AKR7A3: variants seen among roughly 807,000 people sequenced by gnomAD.
AKR7A3 encodes the protein AFB1 aldehyde reductase 2.
AKR7A3 carries 37 observed loss-of-function variants against 32.5 expected under a neutral mutation model. That is an observed-to-expected ratio of 1.14 (90% CI 0.88 to 1.50). The LOEUF is 1.50. Ranked by LOEUF, AKR7A3 falls within the 40% of genes most tolerant of loss-of-function variation. The pLI, the probability that AKR7A3 is intolerant of heterozygous loss-of-function variation, is 0.00. For synonymous variants in AKR7A3, 177 were observed against 188.4 expected (o/e 0.94, Z 0.50); for missense variants, 412 against 453.2 (o/e 0.91, Z 0.83).
intron 1 of AKR7A3, 26 bp from the exon 2 acceptor site, chr1:19,286,398 A>C: frequency 2.5e-6 from 4 of 1,609,680 alleles, no homozygotes; most frequent in Non-Finnish European, 3.4e-6. Flanking sequence ...AATGAAATTC[A>C]GGGCCAGGCG....
chr1:19,283,480 T>C (rs1036906219), intron 6 of AKR7A3, among the ~76,000 whole-genome samples: 17 of 151,928 alleles, frequency 1.1e-4, no homozygotes, highest in Non-Finnish European at 1.8e-4. Context: ...GAAGGAATAA[T>C]GAAATCCCTG....
downstream of AKR7A3, among the ~76,000 whole-genome samples, chr1:19,280,705 G>T (rs2093717445): frequency 6.6e-6 from 1 of 151,426 alleles, no homozygotes; most frequent in Non-Finnish European, 1.5e-5. Flanking sequence ...CGAGTAGCTG[G>T]GACTACAGGC....
At chr1:19,274,310 T>G in the AKR7A3 span, 2 of 712,422 alleles carry the variant, frequency 2.8e-6, no homozygotes, top group Non-Finnish European at 4.1e-6. Flanking sequence ...TGTGGCTTCG[T>G]ACCGGTGACT....
intron 5 of AKR7A3, 49 bp from the exon 6 acceptor site, chr1:19,284,174 AC>A: frequency 1.9e-6 from 3 of 1,571,736 alleles, no homozygotes; most frequent in Non-Finnish European, 2.6e-6. Flanking sequence ...ATTGGGAGCC[AC>A]AACCAAAGAG....
downstream of AKR7A3, among the ~76,000 whole-genome samples, chr1:19,280,682 C>T (rs1228013005): frequency 7.3e-5 from 11 of 151,286 alleles, no homozygotes; most frequent in Non-Finnish European, 2.9e-5. Flanking sequence ...ACCATTCTCC[C>T]GCCTCAGCCT....
At chr1:19,278,129 T>C (rs1435229086), downstream of AKR7A3, among the ~76,000 whole-genome samples, 1 of 151,856 alleles carries the variant, frequency 6.6e-6, no homozygotes, top group Non-Finnish European at 1.5e-5. Flanking sequence ...TCATTTGAGT[T>C]AGTTTTTTTG....
chr1:19,285,866 C>A, intron 3 of AKR7A3, 22 bp downstream of exon 3: 1 of 1,613,420 alleles, frequency 6.2e-7, no homozygotes, highest in Non-Finnish European at 8.5e-7. Flanking sequence ...GAGACCTTGG[C>A]CTCTGCAGCC....
chr1:19,281,880 C>T (rs888168217), downstream of AKR7A3, among the ~76,000 whole-genome samples: 1 of 151,962 alleles, frequency 6.6e-6, no homozygotes, highest in Non-Finnish European at 1.5e-5. Context: ...CCTGTTGCCC[C>T]TTTCTTTTGG....
In AKR7A3 at chr1:19,288,517, G is replaced by T. The variant is rs760980759; in HGVS notation, c.193C>A (p.Leu65Met). 9 of 1,610,190 alleles carry T rather than the reference G, an allele frequency of 5.6e-6. No homozygotes were observed. The highest frequency in any genetic ancestry group is 3.3e-5 in the Admixed American group (2 of 59,926). ...ETILGGLGLRLGGSDCRVKID... is the reference protein window; with the variant it reads ...ETILGGLGLRMGGSDCRVKID... ...TTACCTCTGCAGTCGCTGCCGCCCAGCCGGAGCCCCAGGCCGCCAAGGATG... is the reference window on the plus strand; with the variant it reads ...TTACCTCTGCAGTCGCTGCCGCCCATCCGGAGCCCCAGGCCGCCAAGGATG... The change falls in exon 1 of 7, where the codon CTG becomes ATG. Residue 65 changes from leucine to methionine, a missense_variant. Coordinates refer to ENST00000361640, the MANE Select transcript of AKR7A3 (RefSeq NM_012067.3).
rs767968098 is a variant in AKR7A3 at position 19,288,508 on chromosome 1, T to A, written c.202A>T (p.Ser68Cys). The change falls in exon 1 of 7, where the codon AGC becomes TGC. Residue 68 changes from serine to cysteine, a missense_variant. Transcript: ENST00000361640. ...LGGLGLRLGG[S>C]DCRVKIDTKA... ...GGGCCACTGTTACCTCTGCAGTCGC[T>A]GCCGCCCAGCCGGAGCCCCAGGCCG... 1.9e-6 allele frequency: 3 copies of A among 1,610,484 alleles called. No individual in the cohort carries two copies. Among genetic ancestry groups the A allele is most frequent in the Non-Finnish European group, 2.5e-6 (3 of 1,179,426 alleles).
At chr1:19,274,399 G>C in the AKR7A3 span, among the ~76,000 whole-genome samples, 6 of 151,942 alleles carry the variant, frequency 3.9e-5, no homozygotes, top group South Asian at 8.3e-4. Context: ...CAAAGGTCTG[G>C]GACTCCTCCC....
rs2093726082 is a variant in AKR7A3 at position 19,284,751 on chromosome 1, G to C, written c.639C>G (p.Asp213Glu). 1 of 1,613,720 alleles carries C rather than the reference G, an allele frequency of 6.2e-7. No homozygotes were observed. Among genetic ancestry groups the C allele is most frequent in the Non-Finnish European group, 8.5e-7 (1 of 1,180,010 alleles). Reference protein sequence around the residue: ...GLLTGKYKYEDKNGKQPVGRF... With the variant: ...GLLTGKYKYEEKNGKQPVGRF... Reference sequence around the variant, plus strand: ...GGCCCACGGGCTGTTTCCCATTCTTGTCCTCATACTTGTACTTGCCGGTCA... The same window carrying C: ...GGCCCACGGGCTGTTTCCCATTCTTCTCCTCATACTTGTACTTGCCGGTCA... The change falls in exon 5 of 7, where the codon GAC becomes GAG. Residue 213 changes from aspartate (D) to glutamate (E), a missense_variant. Transcript: ENST00000361640.
downstream of AKR7A3, among the ~76,000 whole-genome samples, chr1:19,281,888 T>C (rs114421943): frequency 0.028 from 4,285 of 152,088 alleles, 78 homozygotes; most frequent in South Asian, 0.053. Context: ...CCCTTTCTTT[T>C]GGCTGATTCC....
rs35216783 is a variant in AKR7A3, at chr1:19,286,241, C to G, written c.346G>C (p.Asp116His). The G allele has an allele frequency of 6.2e-7, 1 of 1,613,458 alleles. No individual in the cohort carries two copies. The highest frequency in any genetic ancestry group is 2.2e-5 in the East Asian group (1 of 44,894). ...GTCTCTTCCACCGGGGTGCTGTGGT[C>G]TGGCATATGCAGGTAGAAGAGGTCC... ...RVDLFYLHMP[D>H]HSTPVEETLR... The change falls in exon 2 of 7, where the codon GAC becomes CAC. Residue 116 changes from aspartate to histidine, a missense_variant. Asp to His is a moderately conservative substitution (Grantham distance 81, BLOSUM62 -1). Transcript: ENST00000361640.
the AKR7A3 span, among the ~76,000 whole-genome samples, chr1:19,276,030 T>C: frequency 7.2e-5 from 11 of 151,920 alleles, no homozygotes; most frequent in Non-Finnish European, 2.9e-5. Flanking sequence ...TGTAGAACAG[T>C]TGTCAGTCAT....
rs372165967 is a variant in AKR7A3, at chr1:19,284,726, G to A, written c.664C>T (p.Arg222Cys). The change falls in exon 5 of 7, where the codon CGC becomes TGC. Residue 222 changes from arginine (R) to cysteine (C), a missense_variant. Coordinates refer to ENST00000361640, the MANE Select transcript of AKR7A3 (RefSeq NM_012067.3). ...TCTGCCCAGGTATTCCCAAAGAAGC[G>A]GCCCACGGGCTGTTTCCCATTCTTG... ...EDKNGKQPVG[R>C]FFGNTWAEMY... 7.1e-5 allele frequency: 114 copies of A among 1,613,664 alleles called. No individual in the cohort carries two copies. Among genetic ancestry groups the A allele is most frequent in the Non-Finnish European group, 9.1e-5 (107 of 1,179,988 alleles).
In AKR7A3 at chr1:19,286,363, T is replaced by A. The variant is rs779524942; in HGVS notation, c.224A>T (p.Asp75Val). 1.2e-6 allele frequency: 2 copies of A among 1,613,586 alleles called. No individual in the cohort carries two copies. The highest frequency in any genetic ancestry group is 2.2e-5 in the South Asian group (2 of 91,078). Residue 75 changes from aspartate (D) to valine (V), a missense_variant, in exon 2 of 7, where the codon GAT becomes GTT. Physicochemically the swap from Asp to Val is radical, Grantham distance 152 (BLOSUM62 -3). Transcript: ENST00000361640. ...CCCAAACAGTGGAATGGCCTTGGTA[T>A]CAATTTTCACTGAGAGGAAAGAGAA... ...LGGSDCRVKIDTKAIPLFGNS... is the reference protein window; with the variant it reads ...LGGSDCRVKIVTKAIPLFGNS...
chr1:19,282,940 C>A (rs554627806), intron 6 of AKR7A3, 48 bp from the exon 7 acceptor site: 1 of 1,590,702 alleles, frequency 6.3e-7, no homozygotes, highest in East Asian at 2.2e-5. Context: ...TGCACAGCGA[C>A]TCTACTCACA....
Position 19,286,373 on chromosome 1 carries a change from C to A in AKR7A3, c.215-1G>T. The A allele has an allele frequency of 6.2e-7, 1 of 1,613,268 alleles. No homozygotes were observed. ...GGAATGGCCTTGGTATCAATTTTCA[C>A]TGAGAGGAAAGAGAAATGAAATTCA... On this transcript the variant is annotated splice_acceptor_variant, in intron 1 of 6. Coordinates refer to ENST00000361640, the MANE Select transcript of AKR7A3 (RefSeq NM_012067.3). LOFTEE classifies it high-confidence loss of function.
Sources: gnomAD v4.1 joint callset for allele counts (sites outside exome capture counted in the v4.1 genomes callset) on GRCh38, gnomAD v4.1.1 for gene constraint, MANE v1.5 for transcripts, NCBI Gene and HGNC (gene_info 2026-07-23, HGNC 2026-07-21) for gene names.